The following ELF2 variants were observed in gnomAD, a reference collection of about 807,000 sequenced individuals.
ELF2 encodes E74 like ETS transcription factor 2.
Under a neutral mutation model 54.8 loss-of-function variants are expected in ELF2, and 11 were observed. The ratio of observed to expected loss-of-function variants is 0.20; its 90% CI spans 0.13 to 0.33. The LOEUF is 0.33. Among genes scored for constraint, ELF2 ranks in the 10% least tolerant of loss-of-function variants. The probability of loss-of-function intolerance (pLI) is 1.00; values close to 1 mark genes in which losing one functional copy is unlikely to be tolerated. For missense variants in ELF2, 513 were observed against 703.0 expected, an observed-to-expected ratio of 0.73 and a Z score of 3.06; for synonymous variants, 203 against 245.1, an observed-to-expected ratio of 0.83 and a Z score of 1.61.
At chr4:139,164,807 G>C (rs1296990844) in intron 1 of ELF2, among the ~76,000 whole-genome samples, 3 of 152,214 alleles carry the variant, frequency 2.0e-5, no homozygotes, top group African/African-American at 7.2e-5. Context: ...GTTTACAGCA[G>C]TTCTGTATTG....
At chr4:139,094,148 C>T (rs1412519330) in intron 4 of ELF2, among the ~76,000 whole-genome samples, 1 of 152,166 alleles carries the variant, frequency 6.6e-6, no homozygotes. Context: ...GATCCACCAC[C>T]TCGGCCTCCC....
At chr4:139,132,279 T>G (rs1284722116) in intron 3 of ELF2, among the ~76,000 whole-genome samples, 1 of 152,230 alleles carries the variant, frequency 6.6e-6, no homozygotes, top group Non-Finnish European at 1.5e-5. Context: ...ATATAAAACT[T>G]GTGGAAGAAT....
intron 1 of ELF2, among the ~76,000 whole-genome samples, chr4:139,166,907 TG>T: frequency 6.6e-6 from 1 of 152,326 alleles, no homozygotes; most frequent in South Asian, 2.1e-4. Flanking sequence ...TAATCAATGA[TG>T]TTTTTATGAC....
intron 7 of ELF2, chr4:139,066,804 T>C (rs1430489974): frequency 6.6e-6 from 1 of 151,628 alleles, no homozygotes; most frequent in Non-Finnish European, 1.5e-5. Flanking sequence ...ACAAGCACAG[T>C]AGCGCAAGGC....
intron 7 of ELF2, among the ~76,000 whole-genome samples, chr4:139,063,920 G>A (rs1369138845): frequency 6.6e-6 from 1 of 152,076 alleles, no homozygotes; most frequent in East Asian, 1.9e-4. Context: ...TATTATGGAG[G>A]AGAGAGTAGT....
rs534015504 is a variant in ELF2 at position 139,131,077 on chromosome 4, C to T, written c.73-5748G>A. Among the ~76,000 whole-genome samples, 4 of 152,282 alleles carry T rather than the reference C, an allele frequency of 2.6e-5. No individual in the cohort carries two copies. In the East Asian group the frequency reaches 7.7e-4, roughly 29 times the overall value. On this transcript the variant is annotated intron_variant, in intron 3 of 9. Coordinates refer to ENST00000686138, the MANE Select transcript of ELF2 (RefSeq NM_001331036.3). ...GGTTATTTTACTTAGCATTACTTTG[C>T]TCAAGTCACCATGGGTCTTGGCACA...
At chr4:139,161,574 C>T (rs1227583973) in intron 1 of ELF2, among the ~76,000 whole-genome samples, 1 of 143,104 alleles carries the variant, frequency 7.0e-6, no homozygotes, top group Non-Finnish European at 1.5e-5. Context: ...ATGAAAAGGG[C>T]GAACAGGAAA....
intron 8 of ELF2, among the ~76,000 whole-genome samples, chr4:139,061,177 A>ATTT (rs554564096): frequency 2.1e-5 from 3 of 140,022 alleles, no homozygotes; most frequent in African/African-American, 2.6e-5. Context: ...CAAACTGATA[A>ATTT]TTTTTTTTTT....
Position 139,060,666 on chromosome 4 carries a change from T to A in ELF2, c.815A>T (p.Tyr272Phe). 1 of 1,585,890 alleles carries A rather than the reference T, an allele frequency of 6.3e-7. No homozygotes were observed. The highest frequency in any genetic ancestry group is 8.6e-7 in the Non-Finnish European group (1 of 1,166,266). Residue 272 changes from tyrosine (Y) to phenylalanine (F), a missense_variant, in exon 9 of 10, where the codon TAC (tyrosine) becomes TTC (phenylalanine). By Grantham distance (22) the Tyr-to-Phe change is conservative. This residue lies in a region of ELF2 where 19 missense variants were observed against 91.0 expected (regional missense o/e 0.21). Coordinates refer to ENST00000686138, the MANE Select transcript of ELF2 (RefSeq NM_001331036.3). ...ETMGRALRYY[Y>F]QRGILAKVEG... ...AACCTTTGCAAGAATTCCCCTTTGGTAGTAGTATCTGTAAGGGGAAAATGT... is the reference window on the plus strand; with the variant it reads ...AACCTTTGCAAGAATTCCCCTTTGGAAGTAGTATCTGTAAGGGGAAAATGT...
chr4:139,114,596 C>CACACAT (rs1560826314), intron 4 of ELF2, among the ~76,000 whole-genome samples: 2 of 146,852 alleles, frequency 1.4e-5, no homozygotes, highest in Non-Finnish European at 3.0e-5. Context: ...CACACACACA[C>CACACAT]AATTTAGGAG....
At chr4:139,151,063 A>AG (rs1739907715) in intron 1 of ELF2, among the ~76,000 whole-genome samples, 2 of 145,454 alleles carry the variant, frequency 1.4e-5, no homozygotes, top group African/African-American at 5.5e-5. Flanking sequence ...AAAGAAAGAA[A>AG]GAAAGAAAGA....
At chr4:139,114,966 C>T in intron 4 of ELF2, 3 of 1,613,626 alleles carry the variant, frequency 1.9e-6, no homozygotes, top group Admixed American at 3.3e-5. Context: ...TCTGCATGCC[C>T]CGGATCTTGT....
chr4:139,152,397 C>CA (rs1429598937), intron 1 of ELF2, among the ~76,000 whole-genome samples: 1 of 151,436 alleles, frequency 6.6e-6, no homozygotes, highest in Non-Finnish European at 1.5e-5. Context: ...TGCAATGGCT[C>CA]AATCACGGCT....
chr4:139,077,185 G>C (rs753606912), intron 4 of ELF2, among the ~76,000 whole-genome samples: 1 of 151,878 alleles, frequency 6.6e-6, no homozygotes, highest in East Asian at 1.9e-4. Flanking sequence ...TTCAGATTTC[G>C]AATTTAAAAA....
chr4:139,084,326 G>C, intron 4 of ELF2: 1 of 1,562,470 alleles, frequency 6.4e-7, no homozygotes, highest in Non-Finnish European at 8.6e-7. Context: ...CACACACTCC[G>C]ACGCCCGGAT....
intron 4 of ELF2, among the ~76,000 whole-genome samples, chr4:139,094,748 A>G (rs1011515019): frequency 1.3e-5 from 2 of 152,220 alleles, no homozygotes; most frequent in African/African-American, 4.8e-5. Context: ...AAAAAAGATT[A>G]AAGTAATGTC....
intron 1 of ELF2, among the ~76,000 whole-genome samples, chr4:139,167,030 A>G (rs1741798749): frequency 6.6e-6 from 1 of 152,224 alleles, no homozygotes; most frequent in South Asian, 2.1e-4. Context: ...GATAATACTT[A>G]TCTCAACAAA....
At chr4:139,075,676 G>A (rs1159746248) in intron 4 of ELF2, among the ~76,000 whole-genome samples, 21 of 152,114 alleles carry the variant, frequency 1.4e-4, no homozygotes, top group Admixed American at 1.2e-3. Flanking sequence ...TGATACACCC[G>A]CCTCGGCCTC....
Position 139,152,134 on chromosome 4 carries a change from A to G in ELF2, c.-251-12637T>C, listed in dbSNP as rs534790254. ...GTGAAAGAAATATTGTATTATCTTC[A>G]TTGTGGTGGTGACTGCAAAATAGTA... On this transcript the variant is annotated intron_variant, in intron 1 of 9. Coordinates refer to ENST00000686138, the MANE Select transcript of ELF2 (RefSeq NM_001331036.3). Among the ~76,000 whole-genome samples the G allele has an allele frequency of 4.6e-5, 7 of 152,334 alleles. No homozygotes were observed. In the South Asian group the frequency reaches 1.5e-3, roughly 32 times the overall value.
Sources: allele counts gnomAD v4.1 joint callset (sites outside exome capture counted in the v4.1 genomes callset), GRCh38; gene constraint gnomAD v4.1.1; regional missense constraint gnomAD v4.1.1; transcripts MANE v1.5; gene names NCBI Gene and HGNC (gene_info 2026-07-23, HGNC 2026-07-21).